The following KCNJ15 variants were observed in gnomAD, a reference collection of about 807,000 sequenced individuals.
KCNJ15 encodes the protein potassium inwardly rectifying channel subfamily J member 15, also known as ATP-sensitive inward rectifier potassium channel 15.
In KCNJ15, 14 loss-of-function variants were observed where a neutral mutation model predicts 23.0. The observed-to-expected ratio is 0.61, with a 90% CI of 0.40 to 0.95. The LOEUF (loss-of-function observed/expected upper bound fraction) is 0.95. KCNJ15 is among the 40% of genes least tolerant of loss of function. The probability of loss-of-function intolerance (pLI) is 0.00; values close to 1 mark genes in which losing one functional copy is unlikely to be tolerated. For synonymous variants in KCNJ15, 185 were observed against 183.2 expected (o/e 1.01, Z -0.08); for missense variants, 388 against 461.8 (o/e 0.84, Z 1.46).
chr21:38,294,074 G>A (rs1984900121), intron 1 of KCNJ15, among the ~76,000 whole-genome samples: 1 of 152,188 alleles, frequency 6.6e-6, no homozygotes, highest in Non-Finnish European at 1.5e-5. Context: ...ATTCTCAATT[G>A]TTTTAAGCCT....
intron 1 of KCNJ15, among the ~76,000 whole-genome samples, chr21:38,271,677 C>T (rs768055283): frequency 1.3e-5 from 2 of 152,182 alleles, no homozygotes; most frequent in Middle Eastern, 3.2e-3. Context: ...AGGCAATGAG[C>T]TTGTGTGCTA....
At position 38,300,547 on chromosome 21, in the gene KCNJ15, A is replaced by T; in HGVS notation, c.*158A>T. ...TCTTTTCCTTTGATCTTGTGGCTAAACCAGCATTTCTGTGTTTGAGAGATT... is the reference window on the plus strand; with the variant it reads ...TCTTTTCCTTTGATCTTGTGGCTAATCCAGCATTTCTGTGTTTGAGAGATT... On this transcript the variant is annotated 3_prime_UTR_variant, in exon 3 of 3. Coordinates refer to ENST00000398938, the MANE Select transcript of KCNJ15 (RefSeq NM_170736.3). 1.6e-6 allele frequency: 1 copy of T among 624,654 alleles called. No homozygotes were observed. 38.7% of individuals were successfully genotyped at this position (624,654 alleles called of 1,614,324 possible). A position where few individuals can be genotyped will look rare whatever the true frequency, so the allele number is the denominator to read the frequency against.
Position 38,304,662 on chromosome 21 carries a change from C to CTTTTTTTTTTTTTTT in KCNJ15, c.*4290_*4304dup, listed in dbSNP as rs543096995. ...TTACCCTTTGTAAACTTCAATTTAT[C>CTTTTTTTTTTTTTTT]TTTTTTTTTTTTTTTTTTTTTTTTT... is the stretch of plus-strand genomic sequence containing the variant. On this transcript the variant is annotated 3_prime_UTR_variant, in exon 3 of 3. Coordinates refer to ENST00000398938, the MANE Select transcript of KCNJ15 (RefSeq NM_170736.3). 175 of 56,052 alleles carry CTTTTTTTTTTTTTTT rather than the reference C, an allele frequency of 3.1e-3. 34 individuals carry two copies. Among genetic ancestry groups the CTTTTTTTTTTTTTTT allele is most frequent in the Non-Finnish European group, 4.7e-3 (133 of 28,116 alleles). 3.5% of individuals were successfully genotyped at this position (56,052 alleles called of 1,614,324 possible). A position where few individuals can be genotyped will look rare whatever the true frequency, so the allele number is the denominator to read the frequency against.
intron 1 of KCNJ15, among the ~76,000 whole-genome samples, chr21:38,247,018 A>ATGGATGGATGCATAAG (rs1979419452): frequency 6.6e-6 from 1 of 152,146 alleles, no homozygotes; most frequent in Non-Finnish European, 1.5e-5. Flanking sequence ...GCATAGGTAG[A>ATGGATGGATGCATAAG]TGGATGGATG....
intron 1 of KCNJ15, among the ~76,000 whole-genome samples, chr21:38,261,086 G>C (rs957649331): frequency 2.1e-5 from 3 of 140,094 alleles, no homozygotes; most frequent in African/African-American, 8.2e-5. Context: ...AACACTGCAG[G>C]GGAGGAATGC....
chr21:38,293,120 T>C (rs976572315), intron 1 of KCNJ15, among the ~76,000 whole-genome samples: 4 of 152,168 alleles, frequency 2.6e-5, no homozygotes, highest in African/African-American at 9.7e-5. Flanking sequence ...TTTGCCTTGT[T>C]AACAACTCTA....
At position 38,300,444 on chromosome 21, in the gene KCNJ15, C is replaced by T; in HGVS notation, c.*55C>T. 3 of 1,465,986 alleles carry T rather than the reference C, an allele frequency of 2.0e-6. No homozygotes were observed. The South Asian group carries it at 4.1e-5, about 20-fold the overall frequency. The allele number at this position is 1,465,986 out of a possible 1,614,324, so 90.8% of individuals were successfully genotyped here. A position where few individuals can be genotyped will look rare whatever the true frequency, so the allele number is the denominator to read the frequency against. ...GCAAGCTGTTTCCACATCAGAACTC[C>T]CTTCAAACACAAAGATTGCTGTGAA... On this transcript the variant is annotated 3_prime_UTR_variant, in exon 3 of 3. Transcript: ENST00000398938.
chr21:38,245,887 T>G (rs1979342869), intron 1 of KCNJ15, among the ~76,000 whole-genome samples: 1 of 152,176 alleles, frequency 6.6e-6, no homozygotes, highest in African/African-American at 2.4e-5. Flanking sequence ...AAAGACTGAA[T>G]TCAGAGGTGG....
At chr21:38,258,424 G>C (rs1176776438) in intron 1 of KCNJ15, among the ~76,000 whole-genome samples, 1 of 152,238 alleles carries the variant, frequency 6.6e-6, no homozygotes. Flanking sequence ...CCCGGGCGCT[G>C]TTCTTTCTTC....
At chr21:38,281,157 T>C (rs1444076273) in intron 1 of KCNJ15, among the ~76,000 whole-genome samples, 1 of 152,162 alleles carries the variant, frequency 6.6e-6, no homozygotes. Context: ...TAATCAGTAT[T>C]GGTGTGAAGC....
chr21:38,258,895 C>A (rs1980572789), intron 1 of KCNJ15, among the ~76,000 whole-genome samples: 2 of 152,104 alleles, frequency 1.3e-5, no homozygotes. Context: ...GCCAGCAAAC[C>A]TGAGAAGCCA....
At chr21:38,288,229 G>T (rs1369302040) in intron 1 of KCNJ15, among the ~76,000 whole-genome samples, 2 of 151,338 alleles carry the variant, frequency 1.3e-5, no homozygotes, top group African/African-American at 4.9e-5. Flanking sequence ...TTTTAGTAGA[G>T]ACAGGGTTTC....
chr21:38,242,632 C>CCAG (rs1979089016), intron 1 of KCNJ15, among the ~76,000 whole-genome samples: 1 of 152,128 alleles, frequency 6.6e-6, no homozygotes, highest in African/African-American at 2.4e-5. Flanking sequence ...TGACACACGC[C>CCAG]CAGCATCTCT....
At chr21:38,287,628 G>C (rs1010469321) in intron 1 of KCNJ15, among the ~76,000 whole-genome samples, 47 of 152,224 alleles carry the variant, frequency 3.1e-4, no homozygotes, top group Non-Finnish European at 3.7e-4. Flanking sequence ...ATTCAACTGG[G>C]CATCTTGTAT....
rs1163250481 is a variant in KCNJ15 at position 38,305,971 on chromosome 21, T to A, written c.*5582T>A. On this transcript the variant is annotated 3_prime_UTR_variant, in exon 3 of 3. Coordinates refer to ENST00000398938, the MANE Select transcript of KCNJ15 (RefSeq NM_170736.3). Reference sequence around the variant, plus strand: ...CAGTCTTTGACACTCCTGTGTGCAGTGTGGAGCAGCGTGCACTGTCTGAGT... The same window carrying A: ...CAGTCTTTGACACTCCTGTGTGCAGAGTGGAGCAGCGTGCACTGTCTGAGT... The A allele has an allele frequency of 1.3e-5, 2 of 152,194 alleles. No homozygotes were observed. The highest frequency in any genetic ancestry group is 2.9e-5 in the Non-Finnish European group (2 of 68,034). The allele number at this position is 152,194 out of a possible 1,614,324, so 9.4% of individuals were successfully genotyped here. A position where few individuals can be genotyped will look rare whatever the true frequency, so the allele number is the denominator to read the frequency against.
At chr21:38,241,684 C>T (rs1242715718) in intron 1 of KCNJ15, among the ~76,000 whole-genome samples, 1 of 152,036 alleles carries the variant, frequency 6.6e-6, no homozygotes, top group African/African-American at 2.4e-5. Flanking sequence ...GACTTGCTCA[C>T]GGCTGGGCAT....
intron 1 of KCNJ15, among the ~76,000 whole-genome samples, chr21:38,269,336 C>T (rs1037417689): frequency 1.1e-4 from 17 of 152,080 alleles, no homozygotes; most frequent in Non-Finnish European, 1.9e-4. Context: ...TTATAAAAGG[C>T]GTTATACCCT....
In KCNJ15 at chr21:38,299,533, T is replaced by C; in HGVS notation, c.272T>C (p.Ile91Thr). The change falls in exon 3 of 3, where the codon ATT becomes ACT. Residue 91 changes from isoleucine to threonine, a missense_variant. Physicochemically the swap from Ile to Thr is moderately conservative, Grantham distance 89 (BLOSUM62 -1). Coordinates refer to ENST00000398938, the MANE Select transcript of KCNJ15 (RefSeq NM_170736.3). The surrounding 1 kb of genome is among the most constrained non-coding windows in gnomAD (Gnocchi z 4.5). The part of the protein sequence containing the change: ...FGVIYYAIAF[I>T]HGDLEPGEPI... ...GTCATCTACTATGCCATCGCGTTTA[T>C]TCATGGGGACTTAGAACCCGGTGAG... The C allele has an allele frequency of 6.2e-7, 1 of 1,614,188 alleles. No individual in the cohort carries two copies. The highest frequency in any genetic ancestry group is 8.5e-7 in the Non-Finnish European group (1 of 1,180,040).
chr21:38,261,954 T>C (rs1980949823), intron 1 of KCNJ15, among the ~76,000 whole-genome samples: 1 of 152,238 alleles, frequency 6.6e-6, no homozygotes. Flanking sequence ...TAGCAGTTAA[T>C]TGTGTCATTT....
Sources: allele counts gnomAD v4.1 joint callset (sites outside exome capture counted in the v4.1 genomes callset), GRCh38; gene constraint gnomAD v4.1.1; non-coding constraint Gnocchi (gnomAD v3.1); transcripts MANE v1.5; gene names NCBI Gene and HGNC (gene_info 2026-07-23, HGNC 2026-07-21).